Variants in SCLT1 observed in about 807,000 individuals in gnomAD.
The protein encoded by SCLT1 is sodium channel-associated protein 1.
In SCLT1, 78 loss-of-function variants were observed where a neutral mutation model predicts 112.8. That is an observed-to-expected ratio of 0.69 (90% confidence interval 0.58 to 0.83). The LOEUF (loss-of-function observed/expected upper bound fraction) is 0.83. SCLT1 is among the 40% of genes least tolerant of loss of function. SCLT1 has a pLI of 0.00. For synonymous variants in SCLT1, 257 were observed against 254.7 expected, an observed-to-expected ratio of 1.01 and a Z score of -0.09; for missense variants, 747 against 770.4, an observed-to-expected ratio of 0.97 and a Z score of 0.36.
At chr4:129,023,958 A>T (rs183986457) in intron 5 of SCLT1, among the ~76,000 whole-genome samples, 2 of 152,358 alleles carry the variant, frequency 1.3e-5, no homozygotes, top group East Asian at 3.9e-4. Flanking sequence ...TATTGAGATC[A>T]AACTGCAAGG....
intron 18 of SCLT1, among the ~76,000 whole-genome samples, chr4:128,905,743 C>T (rs963575839): frequency 6.6e-6 from 1 of 152,100 alleles, no homozygotes; most frequent in African/African-American, 2.4e-5. Context: ...GGAATATTTT[C>T]CTGACTTTTT....
chr4:128,942,566 C>T (rs1439763915), intron 17 of SCLT1, among the ~76,000 whole-genome samples: 1 of 152,012 alleles, frequency 6.6e-6, no homozygotes, highest in African/African-American at 2.4e-5. Flanking sequence ...CTTCTTCCTG[C>T]CATGGAATTT....
chr4:128,885,704 T>C (rs1342722868), intron 20 of SCLT1, among the ~76,000 whole-genome samples: 3 of 152,176 alleles, frequency 2.0e-5, no homozygotes, highest in Admixed American at 2.0e-4. Flanking sequence ...GTTATATACA[T>C]TTACAGTTTT....
At chr4:128,947,795 G>C (rs183690757) in intron 15 of SCLT1, among the ~76,000 whole-genome samples, 6 of 152,076 alleles carry the variant, frequency 3.9e-5, no homozygotes, top group Non-Finnish European at 8.8e-5. Context: ...TCCTAAGTGT[G>C]AAATTAAAAT....
intron 16 of SCLT1, 50 bp downstream of exon 16, chr4:128,945,957 T>C (rs1560874794): frequency 7.4e-7 from 1 of 1,342,750 alleles, no homozygotes; most frequent in Admixed American, 2.0e-5. Context: ...TGTCAAAAAT[T>C]GTGTGAATTC....
chr4:128,917,208 T>C (rs928145460), intron 18 of SCLT1, among the ~76,000 whole-genome samples: 1 of 152,172 alleles, frequency 6.6e-6, no homozygotes, highest in Non-Finnish European at 1.5e-5. Context: ...TCCTGTGTGG[T>C]GTGCTGTGTT....
intron 2 of SCLT1, among the ~76,000 whole-genome samples, chr4:129,053,314 A>T (rs574422404): frequency 3.9e-5 from 6 of 152,062 alleles, no homozygotes; most frequent in Non-Finnish European, 8.8e-5. Flanking sequence ...GATCTGTCTA[A>T]TATTGACAGT....
At chr4:128,906,285 C>T (rs1283588435) in intron 18 of SCLT1, among the ~76,000 whole-genome samples, 1 of 152,126 alleles carries the variant, frequency 6.6e-6, no homozygotes, top group East Asian at 1.9e-4. Flanking sequence ...GCAAGCTCTG[C>T]CTCCCGGGTT....
downstream of SCLT1, among the ~76,000 whole-genome samples, chr4:128,883,327 C>T (rs1732689093): frequency 6.6e-6 from 1 of 151,922 alleles, no homozygotes; most frequent in South Asian, 2.1e-4. Context: ...TGGAAGGCCC[C>T]AAGGGAAGCT....
intron 10 of SCLT1, among the ~76,000 whole-genome samples, chr4:128,966,572 C>T (rs1316755204): frequency 1.3e-5 from 2 of 152,136 alleles, no homozygotes; most frequent in Non-Finnish European, 2.9e-5. Flanking sequence ...AGTATGTACA[C>T]ATGTTATTTC....
chr4:128,879,327 C>T (rs182755030), downstream of SCLT1, among the ~76,000 whole-genome samples: 2 of 152,148 alleles, frequency 1.3e-5, no homozygotes, highest in African/African-American at 4.8e-5. Context: ...ATGAGAGCAT[C>T]TAGATGTTTA....
chr4:128,883,058 A>G (rs1358991516), downstream of SCLT1, among the ~76,000 whole-genome samples: 1 of 150,982 alleles, frequency 6.6e-6, no homozygotes, highest in East Asian at 2.0e-4. Flanking sequence ...AGGCAGGAGA[A>G]TCGCTTGAAC....
At chr4:128,955,265 T>C (rs567525256) in intron 13 of SCLT1, among the ~76,000 whole-genome samples, 1 of 152,294 alleles carries the variant, frequency 6.6e-6, no homozygotes, top group South Asian at 2.1e-4. Context: ...CCTTCTCTCA[T>C]CCTAACCTCA....
intron 9 of SCLT1, among the ~76,000 whole-genome samples, chr4:128,990,631 T>C (rs1349182812): frequency 3.3e-5 from 5 of 151,588 alleles, no homozygotes; most frequent in Non-Finnish European, 5.9e-5. Flanking sequence ...GGAGCCCAAA[T>C]TGGAAAGGAA....
chr4:128,988,780 G>A (rs1742317793), intron 9 of SCLT1, among the ~76,000 whole-genome samples: 1 of 151,768 alleles, frequency 6.6e-6, no homozygotes, highest in Admixed American at 6.6e-5. Context: ...ATACAGGAAT[G>A]GAAAAAGACA....
At chr4:128,897,842 T>C (rs1020994268) in intron 18 of SCLT1, among the ~76,000 whole-genome samples, 1 of 150,976 alleles carries the variant, frequency 6.6e-6, no homozygotes, top group African/African-American at 2.4e-5. Flanking sequence ...ACCAAGCAAA[T>C]GGAAAACACA....
chr4:128,917,205 TG>T (rs1553961509), intron 18 of SCLT1, among the ~76,000 whole-genome samples: 1 of 152,182 alleles, frequency 6.6e-6, no homozygotes, highest in Non-Finnish European at 1.5e-5. Context: ...TGGTCCTGTG[TG>T]GTGTGCTGTG....
intron 2 of SCLT1, among the ~76,000 whole-genome samples, chr4:129,066,554 AT>A (rs1750504757): frequency 1.3e-5 from 2 of 152,060 alleles, no homozygotes; most frequent in African/African-American, 4.8e-5. Flanking sequence ...ACTAAAAAAA[AT>A]CTCAGATGTA....
intron 2 of SCLT1, among the ~76,000 whole-genome samples, chr4:129,051,768 T>C (rs964480545): frequency 3.9e-5 from 6 of 152,222 alleles, no homozygotes; most frequent in Admixed American, 1.3e-4. Flanking sequence ...CTATGTTGAA[T>C]AGGAGTGGTG....
Sources: gnomAD v4.1 joint callset for allele counts (sites outside exome capture counted in the v4.1 genomes callset) on GRCh38, gnomAD v4.1.1 for gene constraint, MANE v1.5 for transcripts, NCBI Gene and HGNC (gene_info 2026-07-23, HGNC 2026-07-21) for gene names.